The following FOXN3 variants were observed in gnomAD, a reference collection of about 807,000 sequenced individuals.
The protein encoded by FOXN3 is forkhead box N3.
Under a neutral mutation model 38.4 loss-of-function variants are expected in FOXN3, and 7 were observed. The observed-to-expected ratio is 0.18, with a 90% CI of 0.10 to 0.34. FOXN3 has a LOEUF of 0.34. Ranked by LOEUF, FOXN3 falls within the 10% of genes least tolerant of loss-of-function variation. The pLI is 1.00. For synonymous variants in FOXN3, 230 were observed against 242.2 expected (o/e 0.95, Z 0.47); for missense variants, 456 against 613.4 (o/e 0.74, Z 2.71).
intron 1 of FOXN3, among the ~76,000 whole-genome samples, chr14:89,572,203 C>T (rs1362558277): frequency 1.3e-5 from 2 of 152,184 alleles, no homozygotes; most frequent in Admixed American, 1.3e-4. Context: ...ACAGATCATA[C>T]AGTTCCAGAT....
intron 1 of FOXN3, among the ~76,000 whole-genome samples, chr14:89,537,679 G>A (rs1390689815): frequency 6.6e-6 from 1 of 152,202 alleles, no homozygotes; most frequent in Non-Finnish European, 1.5e-5. Context: ...CAATGTGTGA[G>A]TGACATCTCT....
intron 3 of FOXN3, among the ~76,000 whole-genome samples, chr14:89,283,443 G>T (rs536050915): frequency 6.6e-6 from 1 of 152,192 alleles, no homozygotes. Flanking sequence ...TCCATCTGGA[G>T]ATGTCCCTGG....
intron 1 of FOXN3, among the ~76,000 whole-genome samples, chr14:89,567,059 T>C (rs1895368888): frequency 6.6e-6 from 1 of 152,212 alleles, no homozygotes; most frequent in Admixed American, 6.5e-5. Context: ...AGTATATGGC[T>C]AATAATGGTG....
intron 3 of FOXN3, among the ~76,000 whole-genome samples, chr14:89,316,979 T>G (rs1887738106): frequency 6.6e-6 from 1 of 152,184 alleles, no homozygotes; most frequent in Non-Finnish European, 1.5e-5. Flanking sequence ...ATGATGATTC[T>G]TTTAAGCCAT....
chr14:89,319,743 T>G (rs1372483536), intron 3 of FOXN3, among the ~76,000 whole-genome samples: 1 of 152,146 alleles, frequency 6.6e-6, no homozygotes, highest in Non-Finnish European at 1.5e-5. Context: ...GTAGCTCCAT[T>G]TTATACATGG....
At chr14:89,332,085 C>T (rs1888263489) in intron 3 of FOXN3, among the ~76,000 whole-genome samples, 1 of 152,148 alleles carries the variant, frequency 6.6e-6, no homozygotes, top group African/African-American at 2.4e-5. Flanking sequence ...TCCTAACAAC[C>T]CCAGGAAGCT....
At chr14:89,458,688 C>G (rs1892777298) in intron 1 of FOXN3, among the ~76,000 whole-genome samples, 1 of 152,100 alleles carries the variant, frequency 6.6e-6, no homozygotes, top group Non-Finnish European at 1.5e-5. Context: ...TATCCAGCTG[C>G]CCTCTCAACA....
intron 2 of FOXN3, among the ~76,000 whole-genome samples, chr14:89,397,998 G>A (rs536958810): frequency 6.6e-5 from 10 of 152,114 alleles, no homozygotes; most frequent in South Asian, 2.1e-4. Flanking sequence ...TCTCCCTGTC[G>A]CCAGCCCCAG....
chr14:89,189,399 T>G (rs1886156), intron 4 of FOXN3, among the ~76,000 whole-genome samples: 5 of 152,132 alleles, frequency 3.3e-5, no homozygotes, highest in African/African-American at 4.8e-5. Context: ...AAGAAGGAGA[T>G]AGGTGAGTGC....
intron 5 of FOXN3, among the ~76,000 whole-genome samples, chr14:89,179,814 C>A (rs1010910339): frequency 6.6e-6 from 1 of 152,132 alleles, no homozygotes; most frequent in Non-Finnish European, 1.5e-5. Context: ...GGACGTGCTG[C>A]CTTACATATG....
At chr14:89,488,279 C>T (rs761041439) in intron 1 of FOXN3, among the ~76,000 whole-genome samples, 10 of 152,046 alleles carry the variant, frequency 6.6e-5, no homozygotes, top group African/African-American at 1.4e-4. Flanking sequence ...GACAGGGTTT[C>T]GCCATGTTGG....
Position 89,310,645 on chromosome 14 carries a change from A to G in FOXN3, c.681-29631T>C, listed in dbSNP as rs147972262. ...TATTACAGACAAGGATGAAAAGAGA[A>G]ACAGGGATTCTGCTTAAGAAAAGTA... On this transcript the variant is annotated intron_variant, in intron 3 of 5. Transcript: ENST00000557258. Among the ~76,000 whole-genome samples the G allele has an allele frequency of 2.9e-3, 444 of 152,336 alleles. 5 individuals carry two copies. The highest frequency in any genetic ancestry group is 9.8e-3 in the African/African-American group (406 of 41,566).
chr14:89,179,606 G>A (rs961654091), intron 5 of FOXN3, among the ~76,000 whole-genome samples: 6 of 152,200 alleles, frequency 3.9e-5, no homozygotes, highest in Non-Finnish European at 7.3e-5. Flanking sequence ...TTGAGAGCTA[G>A]CCCTCATCCT....
chr14:89,591,416 C>G (rs1210678325), intron 1 of FOXN3, among the ~76,000 whole-genome samples: 3 of 152,110 alleles, frequency 2.0e-5, no homozygotes, highest in Non-Finnish European at 4.4e-5. Context: ...AGGAATGGCC[C>G]CAGAGGAAAA....
chr14:89,347,738 G>A (rs1260750423), intron 3 of FOXN3, among the ~76,000 whole-genome samples: 1 of 152,178 alleles, frequency 6.6e-6, no homozygotes. Flanking sequence ...CGGATCATGA[G>A]TTCAAGAGAT....
chr14:89,320,009 C>A lies in FOXN3; in HGVS notation c.680+30663G>T, dbSNP rs576176979. On this transcript the variant is annotated intron_variant, in intron 3 of 5. Transcript: ENST00000557258. ...TTACTAAGACAGGTAAACATCAGAT[C>A]TGCTGCAGAATCAAACACAATTAAA... Among the ~76,000 whole-genome samples the A allele has an allele frequency of 3.9e-5, 6 of 152,318 alleles. No individual in the cohort carries two copies. The South Asian group carries it at 1.2e-3, about 32-fold the overall frequency.
intron 3 of FOXN3, among the ~76,000 whole-genome samples, chr14:89,283,262 G>A (rs1053241598): frequency 6.6e-6 from 1 of 152,098 alleles, no homozygotes; most frequent in Non-Finnish European, 1.5e-5. Context: ...AGACTTGAGG[G>A]GAAAATTTAA....
At chr14:89,210,207 G>C (rs1279767108) in intron 4 of FOXN3, among the ~76,000 whole-genome samples, 1 of 152,188 alleles carries the variant, frequency 6.6e-6, no homozygotes, top group Non-Finnish European at 1.5e-5. Context: ...GATCTTCCAT[G>C]AATGGTTCAG....
At chr14:89,543,206 G>C (rs1463974374) in intron 1 of FOXN3, among the ~76,000 whole-genome samples, 7 of 152,178 alleles carry the variant, frequency 4.6e-5, no homozygotes, top group Non-Finnish European at 1.0e-4. Flanking sequence ...AGTAAGTATG[G>C]GGGCAAATGA....
Sources: gnomAD v4.1 joint callset for allele counts (sites outside exome capture counted in the v4.1 genomes callset) on GRCh38, gnomAD v4.1.1 for gene constraint, MANE v1.5 for transcripts, NCBI Gene and HGNC (gene_info 2026-07-23, HGNC 2026-07-21) for gene names.